The following SLC7A10 variants were observed in gnomAD, a reference collection of about 807,000 sequenced individuals.
The protein encoded by SLC7A10 is asc-type amino acid transporter 1.
SLC7A10 carries 30 observed loss-of-function variants against 52.7 expected under a neutral mutation model. The observed-to-expected ratio is 0.57, with a 90% CI of 0.43 to 0.77. The LOEUF (loss-of-function observed/expected upper bound fraction) is 0.77, where lower values mean the gene tolerates loss of function less well. SLC7A10 is among the 30% of genes least tolerant of loss of function. SLC7A10 has a pLI of 0.00. For synonymous variants in SLC7A10, 318 were observed against 314.9 expected, an observed-to-expected ratio of 1.01 and a Z score of -0.10; for missense variants, 581 against 698.5, an observed-to-expected ratio of 0.83 and a Z score of 1.90.
chr19:33,225,659 C>G lies in SLC7A10; in HGVS notation c.45G>C (p.Arg15Ser). 1 of 1,571,166 alleles carries G rather than the reference C, an allele frequency of 6.4e-7. No individual in the cohort carries two copies. The highest frequency in any genetic ancestry group is 8.6e-7 in the Non-Finnish European group (1 of 1,168,798). Residue 15 changes from arginine (R) to serine (S), a missense_variant, in exon 1 of 11, where the codon AGG (arginine) becomes AGC (serine). By Grantham distance (110) the Arg-to-Ser change is moderately radical. Coordinates refer to ENST00000253188, the MANE Select transcript of SLC7A10 (RefSeq NM_019849.3). ...TQQPSGRGNP[R>S]PAPSPSPVPG... ...GGACTGGGGAGGGCGAGGGCGCAGGCCTGGGGTTCCCGCGCCCGCTCGGCT... is the reference window on the plus strand; with the variant it reads ...GGACTGGGGAGGGCGAGGGCGCAGGGCTGGGGTTCCCGCGCCCGCTCGGCT...
At chr19:33,217,338 C>T (rs1438704882) in intron 1 of SLC7A10, among the ~76,000 whole-genome samples, 1 of 152,164 alleles carries the variant, frequency 6.6e-6, no homozygotes, top group Non-Finnish European at 1.5e-5. Context: ...TGATGGGAAA[C>T]ATTCAGGGGG....
intron 1 of SLC7A10, among the ~76,000 whole-genome samples, chr19:33,221,832 A>G (rs1228863616): frequency 6.6e-6 from 1 of 152,144 alleles, no homozygotes; most frequent in Non-Finnish European, 1.5e-5. Flanking sequence ...CAGCAGACCC[A>G]GGGGGGACTC....
intron 2 of SLC7A10, among the ~76,000 whole-genome samples, chr19:33,213,890 G>C (rs1388075578): frequency 6.6e-6 from 1 of 152,152 alleles, no homozygotes; most frequent in Non-Finnish European, 1.5e-5. Context: ...CTGCACCCAG[G>C]GGTGGGTCTG....
At position 33,221,989 on chromosome 19, in the gene SLC7A10, C is replaced by G. The variant is rs75474461; in HGVS notation, c.151+3564G>C. ...CTGGCCGTCTGTCTGTTTGTCCACC[C>G]ATAGTGGAGCAGGAGCTCAGTGAAG... On this transcript the variant is annotated intron_variant, in intron 1 of 10. Transcript: ENST00000253188. Among the ~76,000 whole-genome samples the G allele has an allele frequency of 4.8e-3, 731 of 152,290 alleles. 10 individuals are homozygous for G. The highest frequency in any genetic ancestry group is 0.017 in the African/African-American group (696 of 41,562).
intron 6 of SLC7A10, 26 bp from the exon 7 acceptor site, chr19:33,211,354 T>C (rs1467142487): frequency 1.9e-6 from 3 of 1,613,104 alleles, no homozygotes; most frequent in East Asian, 2.2e-5. Flanking sequence ...AGAGAGGCCA[T>C]GTGTAAGGCC....
At chr19:33,214,907 G>A (rs149467932) in intron 2 of SLC7A10, among the ~76,000 whole-genome samples, 1 of 152,296 alleles carries the variant, frequency 6.6e-6, no homozygotes, top group East Asian at 1.9e-4. Context: ...CCCACCCCCA[G>A]GCTCACGGTA....
intron 2 of SLC7A10, among the ~76,000 whole-genome samples, chr19:33,213,833 C>T (rs1974612070): frequency 6.6e-6 from 1 of 152,196 alleles, no homozygotes; most frequent in East Asian, 1.9e-4. Context: ...AATCTTGCCT[C>T]TGCAGGGCAC....
At chr19:33,218,308 G>A (rs996749766) in intron 1 of SLC7A10, among the ~76,000 whole-genome samples, 1 of 152,156 alleles carries the variant, frequency 6.6e-6, no homozygotes, top group Non-Finnish European at 1.5e-5. Context: ...GCCAGGGGTG[G>A]AGAGGCCACT....
chr19:33,212,238 G>A, intron 5 of SLC7A10, 54 bp downstream of exon 5: 5 of 1,560,654 alleles, frequency 3.2e-6, no homozygotes, highest in Non-Finnish European at 4.3e-6. Context: ...GAGGCTGCCT[G>A]TCCCACCAGA....
chr19:33,210,689 C>T lies in SLC7A10; in HGVS notation c.1114-73G>A, dbSNP rs571802495. On this transcript the variant is annotated intron_variant, in intron 8 of 10. Coordinates refer to ENST00000253188, the MANE Select transcript of SLC7A10 (RefSeq NM_019849.3). The surrounding 1 kb of genome is among the most constrained non-coding windows in gnomAD (Gnocchi z 5.6). ...ACGCCCCTGCAGGATGAGCCCTGGC[C>T]CCACCCCCAACCCCCACCCTGGAAT... The T allele has an allele frequency of 1.3e-4, 205 of 1,608,344 alleles. 1 individual carries two copies. The African/African-American group carries it at 2.5e-3, about 20-fold the overall frequency.
intron 1 of SLC7A10, among the ~76,000 whole-genome samples, chr19:33,221,926 C>A (rs997949596): frequency 6.6e-6 from 1 of 152,150 alleles, no homozygotes; most frequent in Non-Finnish European, 1.5e-5. Flanking sequence ...GTATGAGAGG[C>A]CCTGTGAGTC....
rs1402304056 is a variant in SLC7A10, at chr19:33,212,410, CAAAGGCATTG to C, written c.660_669del (p.Ser220ArgfsTer5). On this transcript the variant is annotated frameshift_variant, in exon 5 of 11. Transcript: ENST00000253188. LOFTEE classifies it high-confidence loss of function. ...CCCACGGAGGGCGTCATCCAGAAAG[CAAAGGCATTG>C]CTGGGCCTCAGCTCCTCGAAGTGTC... 6.2e-7 allele frequency: 1 copy of C among 1,613,962 alleles called. No individual in the cohort carries two copies. The highest frequency in any genetic ancestry group is 1.1e-5 in the South Asian group (1 of 91,092).
chr19:33,221,451 GTTGGGGCTTCCC>G lies in SLC7A10; in HGVS notation c.151+4090_151+4101del, dbSNP rs1599958899. On this transcript the variant is annotated intron_variant, in intron 1 of 10. Coordinates refer to ENST00000253188, the MANE Select transcript of SLC7A10 (RefSeq NM_019849.3). ...GGACTGACAGGTCCCCGAAATTATA[GTTGGGGCTTCCC>G]TTGGGGTCCTGGAGCACACCGAGGG... Among the ~76,000 whole-genome samples the G allele has an allele frequency of 2.0e-5, 3 of 152,320 alleles. No homozygotes were observed. The East Asian group carries it at 5.8e-4, about 29-fold the overall frequency.
chr19:33,223,573 A>G (rs956950897), intron 1 of SLC7A10, among the ~76,000 whole-genome samples: 4 of 151,812 alleles, frequency 2.6e-5, no homozygotes, highest in Non-Finnish European at 4.4e-5. Flanking sequence ...CCCACCTCCT[A>G]TCACCTTCTG....
chr19:33,208,862 A>G lies in SLC7A10; in HGVS notation c.*29T>C. On this transcript the variant is annotated 3_prime_UTR_variant, in exon 11 of 11. Coordinates refer to ENST00000253188, the MANE Select transcript of SLC7A10 (RefSeq NM_019849.3). The surrounding 1 kb of genome is among the most constrained non-coding windows in gnomAD (Gnocchi z 4.7). Reference sequence around the variant, plus strand: ...TCCTCAATAAACAACATGTAAACAGAAACAACTGCTTCAGTCTCTACAAAA... The same window carrying G: ...TCCTCAATAAACAACATGTAAACAGGAACAACTGCTTCAGTCTCTACAAAA... 6.2e-7 allele frequency: 1 copy of G among 1,613,998 alleles called. No individual in the cohort carries two copies. The highest frequency in any genetic ancestry group is 8.5e-7 in the Non-Finnish European group (1 of 1,180,014).
At chr19:33,221,737 T>C (rs892701265) in intron 1 of SLC7A10, among the ~76,000 whole-genome samples, 2 of 152,108 alleles carry the variant, frequency 1.3e-5, no homozygotes, top group African/African-American at 4.8e-5. Context: ...TGTCAACTCC[T>C]GAGTCACTGA....
chr19:33,224,024 C>G (rs1251010831), intron 1 of SLC7A10, among the ~76,000 whole-genome samples: 1 of 151,576 alleles, frequency 6.6e-6, no homozygotes, highest in African/African-American at 2.4e-5. Flanking sequence ...AGCCAGGCAG[C>G]CTCCCTGTGG....
intron 1 of SLC7A10, among the ~76,000 whole-genome samples, chr19:33,219,053 T>C (rs995467311): frequency 1.3e-5 from 2 of 151,786 alleles, no homozygotes; most frequent in Non-Finnish European, 2.9e-5. Context: ...CCCTGTTGGG[T>C]GTCTGACCCA....
intron 1 of SLC7A10, among the ~76,000 whole-genome samples, chr19:33,225,281 G>T (rs1226750367): frequency 1.3e-5 from 2 of 152,220 alleles, no homozygotes; most frequent in Non-Finnish European, 2.9e-5. Flanking sequence ...CAAAAGCCCC[G>T]CAGCAAAATC....
Sources: gnomAD v4.1 joint callset for allele counts (sites outside exome capture counted in the v4.1 genomes callset) on GRCh38, gnomAD v4.1.1 for gene constraint, Gnocchi (gnomAD v3.1) non-coding constraint, MANE v1.5 for transcripts, NCBI Gene and HGNC (gene_info 2026-07-23, HGNC 2026-07-21) for gene names.